NECTIN1: variants seen among roughly 807,000 people sequenced by gnomAD.
NECTIN1 encodes the protein nectin cell adhesion molecule 1.
NECTIN1 carries 23 observed loss-of-function variants against 48.0 expected under a neutral mutation model. That is an observed-to-expected ratio of 0.48 (90% confidence interval 0.34 to 0.68). The LOEUF (loss-of-function observed/expected upper bound fraction) is 0.68. Ranked by LOEUF, NECTIN1 falls within the 30% of genes least tolerant of loss-of-function variation. NECTIN1 has a pLI of 0.01. For synonymous variants in NECTIN1, 270 were observed against 288.9 expected (o/e 0.93, Z 0.66); for missense variants, 591 against 709.9 (o/e 0.83, Z 1.90).
intron 1 of NECTIN1, among the ~76,000 whole-genome samples, chr11:119,686,338 C>T (rs1169069576): frequency 1.3e-5 from 2 of 152,148 alleles, no homozygotes; most frequent in African/African-American, 2.4e-5. Context: ...AACCTTAGCA[C>T]CTGCCATCTC....
At chr11:119,670,789 G>A (rs888159565) in intron 5 of NECTIN1, among the ~76,000 whole-genome samples, 2 of 151,914 alleles carry the variant, frequency 1.3e-5, no homozygotes, top group African/African-American at 2.4e-5. Flanking sequence ...TGGGACTACA[G>A]GCACGCACTG....
chr11:119,724,969 C>T (rs1251788225), intron 1 of NECTIN1, among the ~76,000 whole-genome samples: 3 of 152,186 alleles, frequency 2.0e-5, no homozygotes, highest in African/African-American at 7.2e-5. Flanking sequence ...AATATGCTGA[C>T]ACCTCTCTGT....
At chr11:119,717,372 A>G (rs1165540621) in intron 1 of NECTIN1, among the ~76,000 whole-genome samples, 1 of 152,226 alleles carries the variant, frequency 6.6e-6, no homozygotes, top group African/African-American at 2.4e-5. Flanking sequence ...CTCTCCAGGC[A>G]CCATAAAGAC....
At chr11:119,676,402 C>T (rs1864948826) in intron 4 of NECTIN1, among the ~76,000 whole-genome samples, 2 of 152,216 alleles carry the variant, frequency 1.3e-5, no homozygotes, top group African/African-American at 4.8e-5. Flanking sequence ...CCCTCTGCTC[C>T]CCAGAAAAAG....
intron 1 of NECTIN1, among the ~76,000 whole-genome samples, chr11:119,719,423 C>G (rs1865793450): frequency 6.6e-6 from 1 of 152,208 alleles, no homozygotes; most frequent in Non-Finnish European, 1.5e-5. Flanking sequence ...TGGGGCCTGA[C>G]TTCTGGAATC....
chr11:119,668,923 C>G (rs1833747131), intron 5 of NECTIN1, among the ~76,000 whole-genome samples: 1 of 152,204 alleles, frequency 6.6e-6, no homozygotes, highest in African/African-American at 2.4e-5. Flanking sequence ...TTGCAGTAGT[C>G]TATAAGCTCA....
chr11:119,664,742 G>A lies in NECTIN1; in HGVS notation c.*5C>T, dbSNP rs142987437. ...CGGTCACAGACAGAGGCTCTGGAAG[G>A]GGGGCTACACGTACCACTCCTTCTT... On this transcript the variant is annotated 3_prime_UTR_variant, in exon 6 of 6. Transcript: ENST00000264025. The A allele has an allele frequency of 4.4e-6, 7 of 1,606,202 alleles. No homozygotes were observed. The highest frequency in any genetic ancestry group is 3.4e-5 in the Admixed American group (2 of 59,422).
chr11:119,652,273 ACT>A (rs1864504191), intron 5 of NECTIN1, among the ~76,000 whole-genome samples: 1 of 151,624 alleles, frequency 6.6e-6, no homozygotes, highest in South Asian at 2.1e-4. Context: ...CATGCCAATC[ACT>A]CTGTTGTGCC....
At chr11:119,654,859 G>A (rs866318372) in intron 5 of NECTIN1, among the ~76,000 whole-genome samples, 1 of 148,206 alleles carries the variant, frequency 6.7e-6, no homozygotes, top group African/African-American at 2.5e-5. Context: ...GTGAGCCACT[G>A]TGCCCGGCCC....
chr11:119,649,060 G>A (rs569212429), intron 5 of NECTIN1, among the ~76,000 whole-genome samples: 1 of 152,346 alleles, frequency 6.6e-6, no homozygotes, highest in African/African-American at 2.4e-5. Flanking sequence ...TGGGCATCTG[G>A]GAGCTGGGCC....
chr11:119,644,080 C>T (rs1050410296), intron 5 of NECTIN1, among the ~76,000 whole-genome samples: 5 of 152,208 alleles, frequency 3.3e-5, no homozygotes, highest in Admixed American at 6.5e-5. Context: ...TGGGAGAGCC[C>T]GCACTCGGTC....
chr11:119,677,038 C>G lies in NECTIN1; in HGVS notation c.851+64G>C. ...AGGCTCCTGGAGGTAGGATGGTTGC[C>G]CCTCATCACCCGTGGTCCAGTCAGC... On this transcript the variant is annotated intron_variant, in intron 4 of 5. Coordinates refer to ENST00000264025, the MANE Select transcript of NECTIN1 (RefSeq NM_002855.5). This position sits in a 1 kb window ranked among gnomAD's most constrained non-coding sequence, Gnocchi z 5.4. 1 of 1,395,356 alleles carries G rather than the reference C, an allele frequency of 7.2e-7. No individual in the cohort carries two copies. Among genetic ancestry groups the G allele is most frequent in the Non-Finnish European group, 1.0e-6 (1 of 980,952 alleles). The allele number at this position is 1,395,356 out of a possible 1,614,324, so 86.4% of individuals were successfully genotyped here. A position where few individuals can be genotyped will look rare whatever the true frequency, so the allele number is the denominator to read the frequency against.
chr11:119,712,004 AG>A (rs1253420210), intron 1 of NECTIN1, among the ~76,000 whole-genome samples: 1 of 152,200 alleles, frequency 6.6e-6, no homozygotes, highest in Non-Finnish European at 1.5e-5. Flanking sequence ...GCAGGGGTGA[AG>A]GAGGGAGCCA....
intron 5 of NECTIN1, among the ~76,000 whole-genome samples, chr11:119,643,877 C>G (rs1294686226): frequency 6.6e-6 from 1 of 152,250 alleles, no homozygotes; most frequent in East Asian, 1.9e-4. Flanking sequence ...AGGCTCCGGG[C>G]TGGACCCTGT....
intron 1 of NECTIN1, among the ~76,000 whole-genome samples, chr11:119,708,434 C>T (rs569858177): frequency 7.9e-5 from 12 of 152,280 alleles, no homozygotes; most frequent in Admixed American, 5.2e-4. Context: ...GAGCCACTGA[C>T]GCCTTTTAAG....
Position 119,716,147 on chromosome 11 carries a change from G to C in NECTIN1, c.79+12328C>G, listed in dbSNP as rs560827159. 2.0e-5 allele frequency among the ~76,000 whole-genome samples: 3 copies of C among 152,270 alleles called. No homozygotes were observed. In the East Asian group the frequency reaches 5.8e-4, roughly 29 times the overall value. On this transcript the variant is annotated intron_variant, in intron 1 of 5. Transcript: ENST00000264025. The stretch of plus-strand genomic sequence containing the variant: ...CTGCCCAGGTGATCATCTGGGTTGG[G>C]GGGGCGGATCTCCAGTAGCCCAGGG...
intron 1 of NECTIN1, among the ~76,000 whole-genome samples, chr11:119,706,081 T>G (rs951716000): frequency 1.5e-4 from 23 of 152,208 alleles, no homozygotes. Context: ...AGCCCTCAGC[T>G]GCAGCCTCCC....
chr11:119,713,668 C>T (rs927116919), intron 1 of NECTIN1: 13 of 358,628 alleles, frequency 3.6e-5, no homozygotes, highest in Non-Finnish European at 7.2e-5. Flanking sequence ...AAGAATGGGA[C>T]CGCAGTGATT....
At position 119,663,611 on chromosome 11, in the gene NECTIN1, A is replaced by ACTACCC. The variant is rs1864707538; in HGVS notation, c.*1130_*1135dup. 1 of 985,420 alleles carries ACTACCC rather than the reference A, an allele frequency of 1.0e-6. No homozygotes were observed. The highest frequency in any genetic ancestry group is 1.7e-5 in the African/African-American group (1 of 57,184). 61.0% of individuals were successfully genotyped at this position (985,420 alleles called of 1,614,324 possible). ...TTCTGCCATGTGGGCTTCCTTCCCC[A>ACTACCC]CTACCCTCCGTGTGGATGCTTCTTT... On this transcript the variant is annotated 3_prime_UTR_variant, in exon 6 of 6. Coordinates refer to ENST00000264025, the MANE Select transcript of NECTIN1 (RefSeq NM_002855.5).
Sources: allele counts gnomAD v4.1 joint callset (sites outside exome capture counted in the v4.1 genomes callset), GRCh38; gene constraint gnomAD v4.1.1; non-coding constraint Gnocchi (gnomAD v3.1); transcripts MANE v1.5; gene names NCBI Gene and HGNC (gene_info 2026-07-23, HGNC 2026-07-21).